ARCN1: variants seen among roughly 807,000 people sequenced by gnomAD.
The protein encoded by ARCN1 is coatomer subunit delta.
Under a neutral mutation model 60.4 loss-of-function variants are expected in ARCN1, and 5 were observed. The ratio of observed to expected loss-of-function variants is 0.08; its 90% CI spans 0.04 to 0.17. The LOEUF (loss-of-function observed/expected upper bound fraction) is 0.17. Ranked by LOEUF, ARCN1 falls within the 10% of genes least tolerant of loss-of-function variation. The probability of loss-of-function intolerance (pLI) is 1.00; values close to 1 mark genes in which losing one functional copy is unlikely to be tolerated. For missense variants in ARCN1, 464 were observed against 626.5 expected (o/e 0.74, Z 2.77); for synonymous variants, 224 against 220.0 (o/e 1.02, Z -0.16).
At chr11:118,587,977 C>T (rs1591387121) in intron 5 of ARCN1, among the ~76,000 whole-genome samples, 1 of 152,320 alleles carries the variant, frequency 6.6e-6, no homozygotes. Context: ...AGGGCAAGGT[C>T]TGGGAGGGTC....
chr11:118,589,982 T>C lies in ARCN1; in HGVS notation c.819-359T>C, dbSNP rs187397714. On this transcript the variant is annotated intron_variant, in intron 5 of 9. Coordinates refer to ENST00000264028, the MANE Select transcript of ARCN1 (RefSeq NM_001655.5). ...GAAAGGGAGTTCTGATTTCTACCTT[T>C]CTTTTTTCTTTTCTTTTCTTTTTTA... Among the ~76,000 whole-genome samples the C allele has an allele frequency of 9.7e-4, 148 of 152,248 alleles. 1 individual carries two copies. The highest frequency in any genetic ancestry group is 4.0e-3 in the Admixed American group (61 of 15,286).
chr11:118,573,805 G>T, intron 1 of ARCN1: 1 of 499,624 alleles, frequency 2.0e-6, no homozygotes, highest in East Asian at 3.3e-5. Context: ...GCATCAAACA[G>T]GTTTGCCTCC....
chr11:118,574,912 A>G (rs1938452062), intron 1 of ARCN1, among the ~76,000 whole-genome samples: 1 of 152,112 alleles, frequency 6.6e-6, no homozygotes, highest in Non-Finnish European at 1.5e-5. Flanking sequence ...GACTGTAGGC[A>G]TGCGGGCCTT....
chr11:118,584,735 C>T, intron 5 of ARCN1, 91 bp downstream of exon 5: 1 of 1,163,800 alleles, frequency 8.6e-7, no homozygotes, highest in Non-Finnish European at 1.2e-6. Context: ...TAAATTCTTT[C>T]TCTGTCTTTT....
intron 2 of ARCN1, 61 bp from the exon 3 acceptor site, chr11:118,583,118 C>T (rs1938697120): frequency 6.4e-7 from 1 of 1,557,780 alleles, no homozygotes; most frequent in Non-Finnish European, 8.8e-7. Context: ...AAGGATAAGA[C>T]TTGGAAATAT....
intron 1 of ARCN1, among the ~76,000 whole-genome samples, chr11:118,578,205 AAATAAAT>A (rs1261386513): frequency 1.3e-5 from 2 of 150,256 alleles, no homozygotes; most frequent in Non-Finnish European, 1.5e-5. Context: ...ATAAATAAAT[AAATAAAT>A]AAAGTGGATA....
At chr11:118,599,352 A>G (rs782587924) in intron 9 of ARCN1, among the ~76,000 whole-genome samples, 1 of 151,432 alleles carries the variant, frequency 6.6e-6, no homozygotes, top group Non-Finnish European at 1.5e-5. Context: ...CGGCCTCCCA[A>G]AGTGCTAGGA....
chr11:118,588,226 AG>A (rs1938818603), intron 5 of ARCN1, among the ~76,000 whole-genome samples: 1 of 152,214 alleles, frequency 6.6e-6, no homozygotes, highest in South Asian at 2.1e-4. Flanking sequence ...GGGGAAACAC[AG>A]CAAGGCCTGT....
chr11:118,593,076 GT>G (rs1257434221), intron 7 of ARCN1, among the ~76,000 whole-genome samples: 1 of 152,050 alleles, frequency 6.6e-6, no homozygotes, highest in East Asian at 1.9e-4. Flanking sequence ...TGTTGTTATT[GT>G]TTTAGAGACA....
chr11:118,590,403 A>G lies in ARCN1; in HGVS notation c.881A>G (p.Asn294Ser). ...TGTGGACGAGACGGAGGATTACAGAATATGGAGTTGCATGGCATGATCATG... is the reference window on the plus strand; with the variant it reads ...TGTGGACGAGACGGAGGATTACAGAGTATGGAGTTGCATGGCATGATCATG... Reference protein sequence around the residue: ...LTCGRDGGLQNMELHGMIMLR... With the variant: ...LTCGRDGGLQSMELHGMIMLR... The change falls in exon 6 of 10, where the codon AAT (asparagine) becomes AGT (serine). Residue 294 changes from asparagine to serine, a missense_variant. Physicochemically the swap from Asn to Ser is conservative, Grantham distance 46. Transcript: ENST00000264028. 6.2e-7 allele frequency: 1 copy of G among 1,614,140 alleles called. No homozygotes were observed. Among genetic ancestry groups the G allele is most frequent in the Non-Finnish European group, 8.5e-7 (1 of 1,179,944 alleles).
chr11:118,591,233 A>G (rs1459390050), intron 6 of ARCN1, among the ~76,000 whole-genome samples: 5 of 152,370 alleles, frequency 3.3e-5, no homozygotes, highest in African/African-American at 1.2e-4. Context: ...TTTAGCCGAC[A>G]TCTCGTCACA....
rs1387155096 is a variant in ARCN1 at position 118,573,923 on chromosome 11, C to T, written c.3+1373C>T. The T allele has an allele frequency of 2.0e-5, 9 of 449,058 alleles. No homozygotes were observed. In the East Asian group the frequency reaches 2.4e-4, roughly 12 times the overall value. The allele number at this position is 449,058 out of a possible 1,614,324, so 27.8% of individuals were successfully genotyped here. The stretch of plus-strand genomic sequence containing the variant: ...TTGAAACTCAGTTCCCGTTTACACC[C>T]TGGAATTAATAATGCATTTTAGAGC... On this transcript the variant is annotated intron_variant, in intron 1 of 9. Transcript: ENST00000264028.
At chr11:118,584,365 C>T (rs1171815767) in intron 4 of ARCN1, 115 bp from the exon 5 acceptor site, 10 of 942,102 alleles carry the variant, frequency 1.1e-5, no homozygotes, top group Middle Eastern at 3.1e-4. Flanking sequence ...AAATTATATA[C>T]AAAATTTTGT....
Position 118,595,841 on chromosome 11 carries a change from G to A in ARCN1, c.1242-1866G>A, listed in dbSNP as rs563023328. On this transcript the variant is annotated intron_variant, in intron 8 of 9. Coordinates refer to ENST00000264028, the MANE Select transcript of ARCN1 (RefSeq NM_001655.5). The stretch of plus-strand genomic sequence containing the variant: ...CCAGCACTTTGGGAGGCCGAGGCGG[G>A]CGGATCACGAGGTCAGGAGATCGAG... Among the ~76,000 whole-genome samples, 4 of 152,318 alleles carry A rather than the reference G, an allele frequency of 2.6e-5. No homozygotes were observed. The East Asian group carries it at 7.7e-4, about 29-fold the overall frequency.
intron 1 of ARCN1, chr11:118,572,907 T>G: frequency 6.9e-6 from 2 of 288,150 alleles, no homozygotes; most frequent in Non-Finnish European, 6.5e-6. Context: ...GTCCCGCCGG[T>G]TCCCTGGCGC....
chr11:118,591,664 T>C (rs1233325207), intron 6 of ARCN1, among the ~76,000 whole-genome samples: 1 of 152,080 alleles, frequency 6.6e-6, no homozygotes, highest in Non-Finnish European at 1.5e-5. Flanking sequence ...GTGTTGGGAT[T>C]GTAGTCATGA....
At chr11:118,574,657 A>G (rs1253020170) in intron 1 of ARCN1, among the ~76,000 whole-genome samples, 7 of 152,244 alleles carry the variant, frequency 4.6e-5, no homozygotes, top group African/African-American at 9.6e-5. Context: ...AGAATGTCCT[A>G]GACTGCAAAG....
chr11:118,585,291 G>A (rs551810771), intron 5 of ARCN1, among the ~76,000 whole-genome samples: 1 of 152,012 alleles, frequency 6.6e-6, no homozygotes, highest in South Asian at 2.1e-4. Flanking sequence ...CATGATTGGG[G>A]GCCCTCAGCC....
At chr11:118,572,639 C>T (rs1041823560) in intron 1 of ARCN1, 89 bp downstream of exon 1, 1 of 1,533,378 alleles carries the variant, frequency 6.5e-7, no homozygotes, top group African/African-American at 1.4e-5. Flanking sequence ...CCGGAGGAGC[C>T]CCGCCCTGAG....
Sources: gnomAD v4.1 joint callset for allele counts (sites outside exome capture counted in the v4.1 genomes callset) on GRCh38, gnomAD v4.1.1 for gene constraint, MANE v1.5 for transcripts, NCBI Gene and HGNC (gene_info 2026-07-23, HGNC 2026-07-21) for gene names.